The following MKLN1 variants were observed in gnomAD, a reference collection of about 807,000 sequenced individuals.
MKLN1 encodes the protein muskelin 1, also known as muskelin.
A neutral mutation model predicts 99.0 loss-of-function variants in MKLN1; 18 were observed. That is an observed-to-expected ratio of 0.18 (90% CI 0.13 to 0.27). The LOEUF (loss-of-function observed/expected upper bound fraction) is 0.27, where lower values mean the gene tolerates loss of function less well. Ranked by LOEUF, MKLN1 falls within the 10% of genes least tolerant of loss-of-function variation. MKLN1 has a pLI of 1.00. For synonymous variants in MKLN1, 288 were observed against 293.2 expected, an observed-to-expected ratio of 0.98 and a Z score of 0.18; for missense variants, 621 against 875.9, an observed-to-expected ratio of 0.71 and a Z score of 3.67.
At chr7:131,182,770 T>C (rs534874581) in intron 2 of MKLN1, among the ~76,000 whole-genome samples, 22 of 152,346 alleles carry the variant, frequency 1.4e-4, no homozygotes, top group Admixed American at 4.6e-4. Flanking sequence ...AGAGCAATGA[T>C]CTGCCACTCT....
intron 7 of MKLN1, 25 bp from the exon 8 acceptor site, chr7:131,414,620 A>G (rs1294501410): frequency 6.5e-7 from 1 of 1,532,206 alleles, no homozygotes; most frequent in Admixed American, 1.7e-5. Context: ...TATTCCTTTA[A>G]AAGAAACTAT....
intron 3 of MKLN1, among the ~76,000 whole-genome samples, chr7:131,289,522 G>A (rs558369864): frequency 3.8e-4 from 58 of 152,234 alleles, no homozygotes; most frequent in African/African-American, 1.3e-3. Context: ...ATAAGCTACA[G>A]GATCTAGTAC....
intron 3 of MKLN1, among the ~76,000 whole-genome samples, chr7:131,221,554 G>A (rs1256255412): frequency 4.9e-5 from 7 of 142,834 alleles, no homozygotes; most frequent in African/African-American, 1.8e-4. Context: ...CATCACCCAC[G>A]CTGGAGGGCA....
intron 3 of MKLN1, among the ~76,000 whole-genome samples, chr7:131,265,527 T>C (rs1797795385): frequency 6.6e-6 from 1 of 152,136 alleles, no homozygotes; most frequent in African/African-American, 2.4e-5. Context: ...AATGCTATGT[T>C]CCAGAAAAAT....
intron 17 of MKLN1, among the ~76,000 whole-genome samples, chr7:131,485,074 T>G (rs933605596): frequency 6.6e-6 from 1 of 151,976 alleles, no homozygotes; most frequent in Non-Finnish European, 1.5e-5. Context: ...TAAATAATAG[T>G]CACAGCTAAA....
chr7:131,383,342 A>G (rs1793908441), intron 2 of MKLN1, among the ~76,000 whole-genome samples: 1 of 152,332 alleles, frequency 6.6e-6, no homozygotes, highest in South Asian at 2.1e-4. Flanking sequence ...GTAGAAGCTT[A>G]GAGATAAATG....
exon 3 of MKLN1, chr7:131,202,887 G>A (rs1235911162): frequency 2.0e-5 from 3 of 152,324 alleles, no homozygotes; most frequent in Non-Finnish European, 4.4e-5. Context: ...CTTGATGAAT[G>A]TTCTGAAAAG....
chr7:131,189,688 A>G (rs1040408038), intron 2 of MKLN1, among the ~76,000 whole-genome samples: 1 of 152,204 alleles, frequency 6.6e-6, no homozygotes, highest in Non-Finnish European at 1.5e-5. Context: ...AGCTGCCACC[A>G]TACTTCTGTA....
chr7:131,299,283 C>G (rs1005476266), intron 3 of MKLN1, among the ~76,000 whole-genome samples: 7 of 152,078 alleles, frequency 4.6e-5, no homozygotes, highest in African/African-American at 1.7e-4. Context: ...CTGTTTTTAG[C>G]TTGTTTCTCT....
intron 3 of MKLN1, among the ~76,000 whole-genome samples, chr7:131,299,406 AG>A (rs1320237343): frequency 6.6e-6 from 1 of 152,242 alleles, no homozygotes; most frequent in African/African-American, 2.4e-5. Flanking sequence ...GGAAATTATA[AG>A]AAAAATAATT....
At chr7:131,328,153 G>T (rs1798947499) in intron 1 of MKLN1, 156 bp downstream of exon 1, 1 of 932,990 alleles carries the variant, frequency 1.1e-6, no homozygotes, top group Non-Finnish European at 1.6e-6. Context: ...TGCTGAGAGC[G>T]TTGCTCGGCC....
chr7:131,249,160 G>A (rs529977080), intron 3 of MKLN1, among the ~76,000 whole-genome samples: 8 of 152,296 alleles, frequency 5.3e-5, no homozygotes, highest in South Asian at 2.1e-4. Flanking sequence ...GCTGACTCAC[G>A]ATCTCAGCTC....
intron 2 of MKLN1, among the ~76,000 whole-genome samples, chr7:131,144,932 G>A (rs1161671692): frequency 6.6e-6 from 1 of 151,818 alleles, no homozygotes; most frequent in Non-Finnish European, 1.5e-5. Flanking sequence ...AGCCAAGATT[G>A]CACCATTGCA....
At chr7:131,389,012 T>TA in intron 4 of MKLN1, 40 bp downstream of exon 4, 1 of 1,399,518 alleles carries the variant, frequency 7.1e-7, no homozygotes, top group South Asian at 1.2e-5. Flanking sequence ...AAATTCTTGA[T>TA]ATCATCAGTC....
chr7:131,420,517 A>C (rs1795161654), intron 8 of MKLN1, among the ~76,000 whole-genome samples: 2 of 152,198 alleles, frequency 1.3e-5, no homozygotes, highest in African/African-American at 4.8e-5. Flanking sequence ...CAGCAACTTG[A>C]TTTTAGACAA....
At chr7:131,415,366 A>G (rs981371347) in intron 8 of MKLN1, among the ~76,000 whole-genome samples, 5 of 152,126 alleles carry the variant, frequency 3.3e-5, no homozygotes, top group Non-Finnish European at 7.4e-5. Context: ...TGAATGCTCA[A>G]TTATACTGTG....
At chr7:131,322,618 C>T (rs1311683172) in intron 3 of MKLN1, among the ~76,000 whole-genome samples, 3 of 139,414 alleles carry the variant, frequency 2.2e-5, no homozygotes, top group Admixed American at 8.0e-5. Flanking sequence ...GGCCGGACTG[C>T]GGACTGCAGT....
chr7:131,185,272 A>T (rs945533607), intron 2 of MKLN1, among the ~76,000 whole-genome samples: 9 of 152,116 alleles, frequency 5.9e-5, no homozygotes, highest in African/African-American at 2.2e-4. Flanking sequence ...TCAAAGATGC[A>T]TCTTTTAAAC....
At chr7:131,114,562 C>A (rs1227995698) in intron 1 of MKLN1, among the ~76,000 whole-genome samples, 1 of 151,954 alleles carries the variant, frequency 6.6e-6, no homozygotes, top group Non-Finnish European at 1.5e-5. Context: ...GAAAAATATC[C>A]CAAGAGGTAG....
Sources: gnomAD v4.1 joint callset for allele counts (sites outside exome capture counted in the v4.1 genomes callset) on GRCh38, gnomAD v4.1.1 for gene constraint, MANE v1.5 for transcripts, NCBI Gene and HGNC (gene_info 2026-07-23, HGNC 2026-07-21) for gene names.